The following GUCY1A2 variants were observed in gnomAD, a reference collection of about 807,000 sequenced individuals.
The protein encoded by GUCY1A2 is guanylate cyclase 1 soluble subunit alpha 2, also known as guanylate cyclase soluble subunit alpha-2.
In GUCY1A2, 27 loss-of-function variants were observed where a neutral mutation model predicts 63.5. The observed-to-expected ratio is 0.43, with a 90% confidence interval of 0.31 to 0.59. The LOEUF is 0.59. Among genes scored for constraint, GUCY1A2 ranks in the 20% least tolerant of loss-of-function variants. The pLI is 0.11. For synonymous variants in GUCY1A2, 364 were observed against 343.5 expected, an observed-to-expected ratio of 1.06 and a Z score of -0.66; for missense variants, 768 against 913.3, an observed-to-expected ratio of 0.84 and a Z score of 2.05.
At chr11:106,818,350 G>GT (rs1858858092) in intron 4 of GUCY1A2, among the ~76,000 whole-genome samples, 1 of 152,060 alleles carries the variant, frequency 6.6e-6, no homozygotes, top group Non-Finnish European at 1.5e-5. Flanking sequence ...ATGGTAACCT[G>GT]TGATCAGTGA....
chr11:106,695,939 C>G (rs559161758), intron 7 of GUCY1A2, among the ~76,000 whole-genome samples: 126 of 152,094 alleles, frequency 8.3e-4, no homozygotes, highest in Admixed American at 2.1e-3. Flanking sequence ...CCTGTATGTC[C>G]CCTGAAAATG....
rs536344059 is a variant in GUCY1A2, at chr11:106,726,330, C to T, written c.1837-17664G>A. 5.9e-5 allele frequency among the ~76,000 whole-genome samples: 9 copies of T among 152,082 alleles called. No individual in the cohort carries two copies. The South Asian group carries it at 6.2e-4, about 11-fold the overall frequency. Reference sequence around the variant, plus strand: ...ACTTGGGGGGCTGAGGCAGGAGAATCGCTTGAACCTGGGAGGCAGAGGGTG... The same window carrying T: ...ACTTGGGGGGCTGAGGCAGGAGAATTGCTTGAACCTGGGAGGCAGAGGGTG... On this transcript the variant is annotated intron_variant, in intron 6 of 7. Coordinates refer to ENST00000526355, the MANE Select transcript of GUCY1A2 (RefSeq NM_000855.3).
chr11:106,824,021 C>T, intron 4 of GUCY1A2: 1 of 1,324,280 alleles, frequency 7.6e-7, no homozygotes, highest in South Asian at 1.4e-5. Flanking sequence ...GTGATTCCTT[C>T]AAAAGCTTTC....
chr11:106,963,857 T>C (rs1379868688), intron 3 of GUCY1A2, among the ~76,000 whole-genome samples: 1 of 152,238 alleles, frequency 6.6e-6, no homozygotes, highest in East Asian at 1.9e-4. Context: ...TTTGGACTTA[T>C]AATATATTTT....
Position 106,841,868 on chromosome 11 carries a change from C to CT in GUCY1A2, c.1207-31391dup, listed in dbSNP as rs568811037. Reference sequence around the variant, plus strand: ...TTCCATTAGAATTTTACTTTACTACCTTTTTTTTCCTATTTACAAATCCAA... The same window carrying CT: ...TTCCATTAGAATTTTACTTTACTACCTTTTTTTTTCCTATTTACAAATCCAA... On this transcript the variant is annotated intron_variant, in intron 4 of 7. Transcript: ENST00000526355. 5.9e-3 allele frequency among the ~76,000 whole-genome samples: 899 copies of CT among 151,910 alleles called. 13 individuals are homozygous for CT. The highest frequency in any genetic ancestry group is 0.02 in the African/African-American group (820 of 41,460).
chr11:106,922,131 G>T (rs989541442), intron 4 of GUCY1A2, among the ~76,000 whole-genome samples: 1 of 152,132 alleles, frequency 6.6e-6, no homozygotes, highest in African/African-American at 2.4e-5. Context: ...ATCAGCAGAC[G>T]AGGGTGCTAG....
intron 4 of GUCY1A2, among the ~76,000 whole-genome samples, chr11:106,844,430 C>T (rs1282230706): frequency 6.6e-6 from 1 of 151,678 alleles, no homozygotes; most frequent in Non-Finnish European, 1.5e-5. Flanking sequence ...TCAATATTTA[C>T]TCATATTCAT....
chr11:106,851,026 T>C (rs987589001), intron 4 of GUCY1A2, among the ~76,000 whole-genome samples: 2 of 151,948 alleles, frequency 1.3e-5, no homozygotes, highest in Non-Finnish European at 2.9e-5. Flanking sequence ...TTTTTGATAA[T>C]AGCCATTCTA....
chr11:106,870,107 A>AGT (rs1555042943), intron 4 of GUCY1A2, among the ~76,000 whole-genome samples: 2 of 43,982 alleles, frequency 4.5e-5, no homozygotes, highest in Non-Finnish European at 8.9e-5. Context: ...GCCTCTTGTG[A>AGT]GGGGGGGGGA....
chr11:106,924,745 C>T (rs1407621721), intron 4 of GUCY1A2, among the ~76,000 whole-genome samples: 1 of 152,102 alleles, frequency 6.6e-6, no homozygotes, highest in African/African-American at 2.4e-5. Flanking sequence ...TGGCTCATGT[C>T]TGTAATCCCA....
chr11:106,808,149 A>T (rs1858716706), intron 5 of GUCY1A2, among the ~76,000 whole-genome samples: 1 of 152,148 alleles, frequency 6.6e-6, no homozygotes, highest in South Asian at 2.1e-4. Flanking sequence ...TTAATACACT[A>T]GCATTGAAGA....
At chr11:106,696,599 T>G (rs149384433) in intron 7 of GUCY1A2, among the ~76,000 whole-genome samples, 135 of 152,236 alleles carry the variant, frequency 8.9e-4, no homozygotes, top group East Asian at 6.8e-3. Flanking sequence ...ATTCAACCAA[T>G]CAGAAATAGT....
At chr11:106,851,853 A>G (rs1162106170) in intron 4 of GUCY1A2, among the ~76,000 whole-genome samples, 2 of 151,934 alleles carry the variant, frequency 1.3e-5, no homozygotes, top group Non-Finnish European at 2.9e-5. Flanking sequence ...GATCTCATAC[A>G]AATTTTAGGA....
intron 5 of GUCY1A2, among the ~76,000 whole-genome samples, chr11:106,793,797 C>T (rs1042144061): frequency 7.2e-5 from 11 of 152,066 alleles, no homozygotes; most frequent in South Asian, 2.1e-4. Context: ...AAAGCCACAA[C>T]GAGATATCAC....
At chr11:106,874,687 C>A (rs1463958903) in intron 4 of GUCY1A2, among the ~76,000 whole-genome samples, 1 of 151,944 alleles carries the variant, frequency 6.6e-6, no homozygotes, top group African/African-American at 2.4e-5. Flanking sequence ...ATGGGCACAA[C>A]TTCTGCAAGA....
At chr11:106,784,333 T>G (rs1045350924) in intron 5 of GUCY1A2, among the ~76,000 whole-genome samples, 1 of 152,118 alleles carries the variant, frequency 6.6e-6, no homozygotes. Context: ...CACTCCTTCC[T>G]GAAAGCAGGA....
intron 4 of GUCY1A2, among the ~76,000 whole-genome samples, chr11:106,903,626 CAG>C (rs1860164386): frequency 6.6e-6 from 1 of 152,106 alleles, no homozygotes; most frequent in South Asian, 2.1e-4. Context: ...ACTATCCGAA[CAG>C]AGAGTCATGC....
At chr11:106,690,566 T>C (rs1421454001) in intron 7 of GUCY1A2, among the ~76,000 whole-genome samples, 1 of 151,910 alleles carries the variant, frequency 6.6e-6, no homozygotes, top group Non-Finnish European at 1.5e-5. Context: ...TTCAGGAAAA[T>C]AACTAATGGG....
At chr11:106,994,524 C>T (rs975009250) in intron 1 of GUCY1A2, among the ~76,000 whole-genome samples, 1 of 152,216 alleles carries the variant, frequency 6.6e-6, no homozygotes, top group African/African-American at 2.4e-5. Context: ...CCACCACCTT[C>T]GGTTTGCATA....
Sources: allele counts gnomAD v4.1 joint callset (sites outside exome capture counted in the v4.1 genomes callset), GRCh38; gene constraint gnomAD v4.1.1; transcripts MANE v1.5; gene names NCBI Gene and HGNC (gene_info 2026-07-23, HGNC 2026-07-21).